The following CCDC158 variants were observed in gnomAD, a reference collection of about 807,000 sequenced individuals.
CCDC158 encodes the protein coiled-coil domain-containing protein 158.
Under a neutral mutation model 138.6 loss-of-function variants are expected in CCDC158, and 116 were observed. The ratio of observed to expected loss-of-function variants is 0.84; its 90% CI spans 0.72 to 0.98. CCDC158 has a LOEUF of 0.98. CCDC158 is among the 50% of genes least tolerant of loss of function. The probability of loss-of-function intolerance (pLI) is 0.00; values close to 1 mark genes in which losing one functional copy is unlikely to be tolerated. For missense variants in CCDC158, 1,265 were observed against 1,306.1 expected, an observed-to-expected ratio of 0.97 and a Z score of 0.48; for synonymous variants, 436 against 442.4, an observed-to-expected ratio of 0.99 and a Z score of 0.18.
intron 13 of CCDC158, 67 bp from the exon 14 acceptor site, chr4:76,357,593 T>C: frequency 1.0e-6 from 1 of 981,092 alleles, no homozygotes; most frequent in Non-Finnish European, 1.4e-6. Context: ...TAAGTATATT[T>C]TATTTGTAAT....
intron 19 of CCDC158, 34 bp downstream of exon 19, chr4:76,333,976 T>A (rs1560794708): frequency 6.8e-7 from 1 of 1,477,406 alleles, no homozygotes; most frequent in Admixed American, 2.0e-5. Context: ...ATTCAAGAGA[T>A]GAGCTTTCCC....
intron 12 of CCDC158, among the ~76,000 whole-genome samples, chr4:76,363,764 C>G (rs1724384710): frequency 6.6e-6 from 1 of 151,938 alleles, no homozygotes; most frequent in Non-Finnish European, 1.5e-5. Context: ...CTTGAGCATG[C>G]ATTGTGAGTG....
In CCDC158 at chr4:76,342,086, TGA is replaced by T. The variant is rs908902222; in HGVS notation, c.2665-7921_2665-7920del. Among the ~76,000 whole-genome samples the T allele has an allele frequency of 5.3e-5, 8 of 152,226 alleles. No homozygotes were observed. In the East Asian group the frequency reaches 1.4e-3, roughly 26 times the overall value. On this transcript the variant is annotated intron_variant, in intron 18 of 24. Transcript: ENST00000682701. ...ATTACTATTATTATTATTTTTTTTT[TGA>T]GAGAGAGAGTCCTACTCTGCTGCCC...
At chr4:76,391,193 C>T (rs1046253422) in intron 4 of CCDC158, among the ~76,000 whole-genome samples, 1 of 151,900 alleles carries the variant, frequency 6.6e-6, no homozygotes, top group African/African-American at 2.4e-5. Flanking sequence ...CTTGTATACA[C>T]ACAGGAATAG....
intron 2 of CCDC158, among the ~76,000 whole-genome samples, chr4:76,406,486 T>C (rs1204571634): frequency 6.6e-6 from 1 of 152,162 alleles, no homozygotes; most frequent in Non-Finnish European, 1.5e-5. Context: ...TGGCTATATA[T>C]TAAACACTAT....
At position 76,367,316 on chromosome 4, in the gene CCDC158, C is replaced by T. The variant is rs375100999; in HGVS notation, c.1808G>A (p.Arg603Gln). 99 of 1,612,486 alleles carry T rather than the reference C, an allele frequency of 6.1e-5. No homozygotes were observed. The highest frequency in any genetic ancestry group is 1.1e-4 in the East Asian group (5 of 44,868). The change falls in exon 12 of 25, where the codon CGG becomes CAG. Residue 603 changes from arginine to glutamine, a missense_variant. Transcript: ENST00000682701. ...GACCTTAAGTTCCTTTAGTTCCATC[C>T]GCCTATCATTAATTTCTTTCTCCAG... is the stretch of plus-strand genomic sequence containing the variant. The part of the protein sequence containing the change: ...AQLEKEINDR[R>Q]MELKELKILK...
In CCDC158 at chr4:76,332,491, T is replaced by C; in HGVS notation, c.2823A>G (p.Val941=). Residue 941 remains valine (V), a splice_region_variant and synonymous_variant, in exon 20 of 25, where the codon GTA becomes GTG. Transcript: ENST00000682701. ...RTSLGALYVA[V]EDRVRDCITE... is the part of the protein sequence containing the mutation. The stretch of plus-strand genomic sequence containing the variant: ...TAATGCAATCTCTTACCCTATCCTC[T>C]CTGTATAGAAAATATAACTCTCAGT... The C allele has an allele frequency of 1.2e-6, 2 of 1,601,038 alleles. No individual in the cohort carries two copies. Among genetic ancestry groups the C allele is most frequent in the African/African-American group, 2.7e-5 (2 of 74,534 alleles).
intron 14 of CCDC158, among the ~76,000 whole-genome samples, chr4:76,355,657 A>G (rs1269502134): frequency 6.6e-6 from 1 of 152,160 alleles, no homozygotes; most frequent in Non-Finnish European, 1.5e-5. Flanking sequence ...AAACATACAT[A>G]TAATCATGTT....
At position 76,384,089 on chromosome 4, in the gene CCDC158, G is replaced by T; in HGVS notation, c.725C>A (p.Pro242Gln). Reference protein sequence around the residue: ...EISYLKGRIFPVEDQLEALKS... With the variant: ...EISYLKGRIFQVEDQLEALKS... Reference sequence around the variant, plus strand: ...TTAAGTAGCATTCTCACCACTTACTGGAAATATCCTCCCTTTAAGATAAGA... The same window carrying T: ...TTAAGTAGCATTCTCACCACTTACTTGAAATATCCTCCCTTTAAGATAAGA... The change falls in exon 6 of 25, where the codon CCA (proline) becomes CAA (glutamine). Residue 242 changes from proline to glutamine, a missense_variant and splice_region_variant. Pro to Gln is a moderately conservative substitution (Grantham distance 76). Coordinates refer to ENST00000682701, the MANE Select transcript of CCDC158 (RefSeq NM_001394954.1). The T allele has an allele frequency of 1.3e-6, 2 of 1,580,502 alleles. No homozygotes were observed. The highest frequency in any genetic ancestry group is 8.7e-7 in the Non-Finnish European group (1 of 1,154,854).
intron 18 of CCDC158, among the ~76,000 whole-genome samples, chr4:76,342,341 T>C (rs142409031): frequency 6.6e-6 from 1 of 152,296 alleles, no homozygotes; most frequent in African/African-American, 2.4e-5. Context: ...GTGCCCAGAC[T>C]CAAGTGTCTT....
At chr4:76,362,082 TA>T in intron 13 of CCDC158, 43 bp downstream of exon 13, 1 of 1,564,630 alleles carries the variant, frequency 6.4e-7, no homozygotes. Flanking sequence ...GCTTCACTGC[TA>T]AGACTCTTAT....
chr4:76,368,986 T>G (rs1724961080), intron 11 of CCDC158, among the ~76,000 whole-genome samples: 1 of 152,002 alleles, frequency 6.6e-6, no homozygotes, highest in Admixed American at 6.6e-5. Context: ...GAGGCTGAGG[T>G]GGGCAGATCA....
intron 9 of CCDC158, among the ~76,000 whole-genome samples, chr4:76,378,213 C>T (rs1407997165): frequency 1.3e-5 from 2 of 152,058 alleles, no homozygotes; most frequent in African/African-American, 4.8e-5. Context: ...GGAGTGATAG[C>T]GGTAATTAAA....
intron 18 of CCDC158, among the ~76,000 whole-genome samples, chr4:76,339,275 G>GA (rs1463588976): frequency 6.6e-6 from 1 of 152,056 alleles, no homozygotes; most frequent in African/African-American, 2.4e-5. Context: ...TTGAGAAAGT[G>GA]AAGAAGCCCC....
intron 24 of CCDC158, among the ~76,000 whole-genome samples, chr4:76,315,977 C>G (rs13116067): frequency 0.1 from 15,704 of 152,094 alleles, 950 homozygotes; most frequent in East Asian, 0.22. Context: ...CCTTGAGTTC[C>G]GGGCTTTTCC....
intron 9 of CCDC158, among the ~76,000 whole-genome samples, chr4:76,372,976 G>C (rs901877666): frequency 6.6e-6 from 1 of 152,086 alleles, no homozygotes; most frequent in African/African-American, 2.4e-5. Context: ...AGCCTCCCAA[G>C]TAGCTGGGAT....
At chr4:76,319,960 A>G (rs1010392359) in intron 24 of CCDC158, among the ~76,000 whole-genome samples, 1 of 152,314 alleles carries the variant, frequency 6.6e-6, no homozygotes, top group Middle Eastern at 3.4e-3. Context: ...GACGAGAGAA[A>G]GAAATAAAGG....
At chr4:76,351,590 C>G in intron 17 of CCDC158, 130 bp downstream of exon 17, 1 of 628,344 alleles carries the variant, frequency 1.6e-6, no homozygotes, top group Non-Finnish European at 2.8e-6. Flanking sequence ...CACATCTTAT[C>G]ATTGCTATTA....
intron 21 of CCDC158, among the ~76,000 whole-genome samples, chr4:76,329,659 A>G (rs1256561190): frequency 6.6e-6 from 1 of 152,224 alleles, no homozygotes; most frequent in African/African-American, 2.4e-5. Context: ...TATAAGACAT[A>G]TAAGTTGAAG....
Sources: allele counts gnomAD v4.1 joint callset (sites outside exome capture counted in the v4.1 genomes callset), GRCh38; gene constraint gnomAD v4.1.1; transcripts MANE v1.5; gene names NCBI Gene and HGNC (gene_info 2026-07-23, HGNC 2026-07-21).